DOCK9: variants seen among roughly 807,000 people sequenced by gnomAD.
DOCK9 encodes dedicator of cytokinesis protein 9.
A neutral mutation model predicts 263.3 loss-of-function variants in DOCK9; 89 were observed. The observed-to-expected ratio is 0.34, with a 90% CI of 0.28 to 0.40. The LOEUF is 0.40. Ranked by LOEUF, DOCK9 falls within the 10% of genes least tolerant of loss-of-function variation. The pLI is 1.00. For synonymous variants in DOCK9, 976 were observed against 973.1 expected (o/e 1.00, Z -0.06); for missense variants, 2,140 against 2,603.4 (o/e 0.82, Z 3.87).
intron 1 of DOCK9, among the ~76,000 whole-genome samples, chr13:99,072,334 A>G (rs1187968919): frequency 6.6e-6 from 1 of 152,126 alleles, no homozygotes; most frequent in Non-Finnish European, 1.5e-5. Context: ...TAGAGGGTGA[A>G]GTAGGACATT....
chr13:98,915,533 C>T (rs2139905352), intron 7 of DOCK9, 30 bp from the exon 8 acceptor site: 1 of 1,586,440 alleles, frequency 6.3e-7, no homozygotes, highest in Non-Finnish European at 8.6e-7. Context: ...AACAGACATA[C>T]TTTAAAAGAA....
chr13:98,966,908 T>C (rs1255800351), intron 1 of DOCK9, among the ~76,000 whole-genome samples: 1 of 152,184 alleles, frequency 6.6e-6, no homozygotes, highest in Non-Finnish European at 1.5e-5. Context: ...TGGGCTAGCA[T>C]CAGCATCACC....
intron 1 of DOCK9, among the ~76,000 whole-genome samples, chr13:98,955,944 C>A (rs1278371909): frequency 4.6e-5 from 7 of 152,220 alleles, no homozygotes; most frequent in Admixed American, 1.3e-4. Context: ...CGATACCATC[C>A]CTCCTTGGCC....
intron 1 of DOCK9, among the ~76,000 whole-genome samples, chr13:99,066,403 A>G (rs1465096678): frequency 6.6e-6 from 1 of 152,224 alleles, no homozygotes; most frequent in Non-Finnish European, 1.5e-5. Flanking sequence ...ATTATTTTTA[A>G]TCTAGAACTC....
At chr13:98,812,073 ACTCT>A (rs368812330) in intron 45 of DOCK9, among the ~76,000 whole-genome samples, 132 of 142,402 alleles carry the variant, frequency 9.3e-4, no homozygotes, top group African/African-American at 3.3e-3. Flanking sequence ...CCATTTCTGG[ACTCT>A]CTGTTTTGTT....
chr13:98,809,155 G>C, intron 47 of DOCK9, 197 bp downstream of exon 47: 2 of 1,526,968 alleles, frequency 1.3e-6, no homozygotes, highest in South Asian at 1.2e-5. Context: ...AGAAAAGACA[G>C]GAAGAAAGAA....
At chr13:99,007,946 T>G (rs1883640674) in intron 1 of DOCK9, among the ~76,000 whole-genome samples, 1 of 152,144 alleles carries the variant, frequency 6.6e-6, no homozygotes, top group African/African-American at 2.4e-5. Flanking sequence ...CTTTAACAAG[T>G]AAATATATTT....
intron 1 of DOCK9, among the ~76,000 whole-genome samples, chr13:99,063,299 C>T (rs1432204831): frequency 6.6e-6 from 1 of 151,874 alleles, no homozygotes; most frequent in African/African-American, 2.4e-5. Flanking sequence ...CTGCTGGTGA[C>T]AGCCCTACGG....
intron 21 of DOCK9, 73 bp from the exon 22 acceptor site, chr13:98,883,972 G>A (rs1384404002): frequency 1.1e-4 from 116 of 1,021,786 alleles, no homozygotes; most frequent in Non-Finnish European, 7.4e-5. Context: ...ATCAATGAGG[G>A]TAATGATGAG....
At chr13:98,913,232 A>G (rs1461922642) in intron 9 of DOCK9, among the ~76,000 whole-genome samples, 1 of 152,198 alleles carries the variant, frequency 6.6e-6, no homozygotes, top group Non-Finnish European at 1.5e-5. Context: ...TGTTTCTATT[A>G]TAGTGTTTAA....
chr13:98,969,242 C>A (rs2059488218), intron 1 of DOCK9, among the ~76,000 whole-genome samples: 1 of 152,166 alleles, frequency 6.6e-6, no homozygotes, highest in South Asian at 2.1e-4. Flanking sequence ...ATAGCCACGT[C>A]CCATGTAAGT....
chr13:98,829,209 G>T lies in DOCK9; in HGVS notation c.4965+98C>A. On this transcript the variant is annotated intron_variant, in intron 43 of 52. Coordinates refer to ENST00000682017, the MANE Select transcript of DOCK9 (RefSeq NM_001366683.2). This position sits in a 1 kb window ranked among gnomAD's most constrained non-coding sequence, Gnocchi z 4.1. ...TTTTGCATACTTTTAATTGGTTTTT[G>T]ATTAATGGAATAACTTTTCTCAAAA... 1 of 1,140,534 alleles carries T rather than the reference G, an allele frequency of 8.8e-7. No individual in the cohort carries two copies. Among genetic ancestry groups the T allele is most frequent in the Non-Finnish European group, 1.2e-6 (1 of 811,210 alleles). 70.7% of individuals were successfully genotyped at this position (1,140,534 alleles called of 1,614,324 possible).
chr13:99,029,673 G>C (rs963973955), intron 1 of DOCK9, among the ~76,000 whole-genome samples: 2 of 152,160 alleles, frequency 1.3e-5, no homozygotes, highest in Non-Finnish European at 2.9e-5. Context: ...TAAAAAGACT[G>C]ACATAGTGAG....
At chr13:98,846,809 C>T (rs2093407213) in intron 37 of DOCK9, 1 of 352,540 alleles carries the variant, frequency 2.8e-6, no homozygotes, top group South Asian at 2.1e-5. Context: ...GCACAGTGTT[C>T]ATCAAACTCG....
At chr13:99,051,420 G>C (rs553837038) in intron 1 of DOCK9, among the ~76,000 whole-genome samples, 7 of 152,206 alleles carry the variant, frequency 4.6e-5, no homozygotes, top group African/African-American at 1.7e-4. Context: ...TTGGGGCCGA[G>C]TCCCAAGGAC....
intron 1 of DOCK9, among the ~76,000 whole-genome samples, chr13:98,985,784 C>T (rs1245434034): frequency 7.1e-6 from 1 of 141,162 alleles, no homozygotes; most frequent in African/African-American, 2.7e-5. Flanking sequence ...GTTTTATCTC[C>T]CTTCCTCAGC....
chr13:98,904,638 A>G lies in DOCK9; in HGVS notation c.1029T>C (p.Asp343=), dbSNP rs1212715822. ...ACATTTAGATAGTTCTTACCTGGGC[A>G]TCTGGGTCCAAATAAAAAAGTTTGA... ...SRVKLFYLDP[D]AQKLDFSSAE... is the part of the protein sequence containing the mutation. Residue 343 remains aspartate (D), a synonymous_variant, in exon 10 of 53, where the codon GAT becomes GAC. Coordinates refer to ENST00000682017, the MANE Select transcript of DOCK9 (RefSeq NM_001366683.2). 1 of 1,555,436 alleles carries G rather than the reference A, an allele frequency of 6.4e-7. No individual in the cohort carries two copies. Among genetic ancestry groups the G allele is most frequent in the Non-Finnish European group, 8.7e-7 (1 of 1,148,230 alleles).
Position 98,914,418 on chromosome 13 carries a change from C to T in DOCK9, c.893-23G>A, listed in dbSNP as rs138346633. On this transcript the variant is annotated intron_variant, in intron 8 of 52. Transcript: ENST00000682017. ...CATCTAAAATGGCAAAACAGATTAT[C>T]GGAATCACTTGTAATTCATAGCATT... 2.7e-4 allele frequency: 437 copies of T among 1,593,778 alleles called. 3 individuals are homozygous for T. Among genetic ancestry groups the T allele is most frequent in the South Asian group, 5.7e-5 (5 of 87,600 alleles).
chr13:99,042,584 G>A (rs1287964812), intron 1 of DOCK9, among the ~76,000 whole-genome samples: 2 of 152,176 alleles, frequency 1.3e-5, no homozygotes, highest in Non-Finnish European at 2.9e-5. Flanking sequence ...AGGGACATCT[G>A]GTGTAGGGGC....
Sources: allele counts gnomAD v4.1 joint callset (sites outside exome capture counted in the v4.1 genomes callset), GRCh38; gene constraint gnomAD v4.1.1; non-coding constraint Gnocchi (gnomAD v3.1); transcripts MANE v1.5; gene names NCBI Gene and HGNC (gene_info 2026-07-23, HGNC 2026-07-21).